Variants in TTC6 observed in about 807,000 individuals in gnomAD.
TTC6 encodes tetratricopeptide repeat domain 6, also known as tetratricopeptide repeat protein 6.
TTC6 carries 172 observed loss-of-function variants against 210.4 expected under a neutral mutation model. The observed-to-expected ratio is 0.82, with a 90% CI of 0.72 to 0.93. The LOEUF is 0.93. TTC6 is among the 40% of genes least tolerant of loss of function. The pLI is 0.00. For synonymous variants in TTC6, 804 were observed against 819.6 expected (o/e 0.98, Z 0.32); for missense variants, 2,414 against 2,318.1 (o/e 1.04, Z -0.85).
At chr14:37,794,233 G>A (rs2096087002) in intron 17 of TTC6, among the ~76,000 whole-genome samples, 1 of 152,164 alleles carries the variant, frequency 6.6e-6, no homozygotes, top group South Asian at 2.1e-4. Flanking sequence ...GAAGCAGCAG[G>A]CATGAAGTTC....
At position 37,735,988 on chromosome 14, in the gene TTC6, A is replaced by C. The variant is rs768901906; in HGVS notation, c.1886A>C (p.Gln629Pro). Residue 629 changes from glutamine to proline, a missense_variant, in exon 8 of 31, where the codon CAA (glutamine) becomes CCA (proline). Coordinates refer to ENST00000553443, the Ensembl canonical transcript of TTC6. The stretch of plus-strand genomic sequence containing the variant: ...AAAAGCAGTGTCATTACTTTACATC[A>C]ACATAGCAGAACAAATTTTTGGGTA... 1.0e-5 allele frequency: 16 copies of C among 1,531,084 alleles called. No homozygotes were observed. In the South Asian group the frequency reaches 1.8e-4, roughly 17 times the overall value. 94.8% of individuals were successfully genotyped at this position (1,531,084 alleles called of 1,614,324 possible). A position where few individuals can be genotyped will look rare whatever the true frequency, so the allele number is the denominator to read the frequency against.
At chr14:37,790,064 C>G (rs2096076037) in intron 15 of TTC6, among the ~76,000 whole-genome samples, 1 of 152,032 alleles carries the variant, frequency 6.6e-6, no homozygotes, top group African/African-American at 2.4e-5. Flanking sequence ...GAGAGTCACA[C>G]ACCTGGATTA....
At chr14:37,692,688 A>G (rs1353428932) in intron 3 of TTC6, among the ~76,000 whole-genome samples, 2 of 151,604 alleles carry the variant, frequency 1.3e-5, no homozygotes, top group African/African-American at 4.8e-5. Flanking sequence ...GAGAAACCCC[A>G]TCTCCACTAA....
chr14:37,689,105 T>C (rs2095799009), intron 3 of TTC6, among the ~76,000 whole-genome samples: 1 of 151,464 alleles, frequency 6.6e-6, no homozygotes, highest in African/African-American at 2.4e-5. Context: ...CTTAGAAATT[T>C]AACAAAGAAA....
chr14:37,686,706 A>C (rs979592538), intron 3 of TTC6, among the ~76,000 whole-genome samples: 3 of 152,086 alleles, frequency 2.0e-5, no homozygotes, highest in African/African-American at 7.2e-5. Context: ...GAGCCAAGAG[A>C]AAGGAGTTTC....
chr14:37,620,557 C>T (rs1372895222), upstream of TTC6, among the ~76,000 whole-genome samples: 4 of 152,154 alleles, frequency 2.6e-5, no homozygotes, highest in African/African-American at 7.2e-5. Flanking sequence ...CCATCGGTTC[C>T]CTATTTATAT....
At chr14:37,792,084 A>C (rs1435728492) in intron 16 of TTC6, among the ~76,000 whole-genome samples, 180 bp from the exon 19 acceptor site, 2 of 152,210 alleles carry the variant, frequency 1.3e-5, no homozygotes, top group Non-Finnish European at 2.9e-5. Flanking sequence ...TAAGGGTTTC[A>C]TAAAGGTGTT....
At position 37,693,008 on chromosome 14, in the gene TTC6, A is replaced by G. The variant is rs116753495; in HGVS notation, c.1258-3709A>G. ...AAGCACCTGAAAGATGCCCACTCTCACCACTGTTATTCAACATCATACTGG... is the reference window on the plus strand; with the variant it reads ...AAGCACCTGAAAGATGCCCACTCTCGCCACTGTTATTCAACATCATACTGG... On this transcript the variant is annotated intron_variant, in intron 3 of 30. Coordinates refer to ENST00000553443, the Ensembl canonical transcript of TTC6. 3.2e-3 allele frequency among the ~76,000 whole-genome samples: 490 copies of G among 152,240 alleles called. 5 individuals are homozygous for G. Among genetic ancestry groups the G allele is most frequent in the African/African-American group, 0.011 (477 of 41,558 alleles).
chr14:37,765,369 T>TA (rs781402022), intron 14 of TTC6, among the ~76,000 whole-genome samples: 17 of 146,808 alleles, frequency 1.2e-4, no homozygotes, highest in East Asian at 4.0e-4. Flanking sequence ...AAATTTAAAT[T>TA]AAAAAAAAAA....
At chr14:37,726,505 T>C (rs371549511) in intron 7 of TTC6, among the ~76,000 whole-genome samples, 1 of 152,298 alleles carries the variant, frequency 6.6e-6, no homozygotes, top group South Asian at 2.1e-4. Flanking sequence ...TTGAATTCTG[T>C]TAGGCCATAT....
intron 1 of TTC6, among the ~76,000 whole-genome samples, chr14:37,645,476 G>C (rs573853230): frequency 6.6e-6 from 1 of 152,166 alleles, no homozygotes; most frequent in Non-Finnish European, 1.5e-5. Flanking sequence ...AAACAAATCA[G>C]TAATGTCTTA....
At chr14:37,624,888 T>C (rs1180043243) in intron 1 of TTC6, among the ~76,000 whole-genome samples, 7 of 152,248 alleles carry the variant, frequency 4.6e-5, no homozygotes, top group Admixed American at 3.3e-4. Flanking sequence ...CCCAAAGTGC[T>C]AGGATTACAG....
intron 14 of TTC6, among the ~76,000 whole-genome samples, chr14:37,772,791 G>A (rs2096024379): frequency 6.6e-6 from 1 of 152,174 alleles, no homozygotes; most frequent in Non-Finnish European, 1.5e-5. Flanking sequence ...GGGAGCTGTA[G>A]ACCGGAGCTG....
At chr14:37,778,551 A>G (rs1343382466) in intron 14 of TTC6, among the ~76,000 whole-genome samples, 1 of 152,142 alleles carries the variant, frequency 6.6e-6, no homozygotes, top group Non-Finnish European at 1.5e-5. Flanking sequence ...AAATCTGCCC[A>G]CATGTGTGTG....
At chr14:37,835,609 A>G (rs1425148209) in intron 29 of TTC6, among the ~76,000 whole-genome samples, 1 of 152,152 alleles carries the variant, frequency 6.6e-6, no homozygotes, top group East Asian at 1.9e-4. Context: ...TATCTTCTCC[A>G]TGGATGTAAG....
chr14:37,725,282 A>G (rs1891239694), intron 7 of TTC6, among the ~76,000 whole-genome samples: 1 of 120,298 alleles, frequency 8.3e-6, no homozygotes, highest in Non-Finnish European at 1.8e-5. Context: ...TATATATAAA[A>G]TTTATATATG....
At position 37,827,272 on chromosome 14, in the gene TTC6, A is replaced by G. The variant is rs577444284; in HGVS notation, c.5204A>G (p.Lys1735Arg). ...ATGGGCCACAAACAGAATGCAATGAAAGACTACCAAGATGCAATTACTCTA... is the reference window on the plus strand; with the variant it reads ...ATGGGCCACAAACAGAATGCAATGAGAGACTACCAAGATGCAATTACTCTA... Residue 1735 changes from lysine (K) to arginine (R), a missense_variant, in exon 29 of 31, where the codon AAA becomes AGA. By Grantham distance (26) the Lys-to-Arg change is conservative. Coordinates refer to ENST00000553443, the Ensembl canonical transcript of TTC6. 20 of 1,613,306 alleles carry G rather than the reference A, an allele frequency of 1.2e-5. No individual in the cohort carries two copies. In the South Asian group the frequency reaches 2.2e-4, roughly 18 times the overall value.
intron 2 of TTC6, among the ~76,000 whole-genome samples, chr14:37,607,771 G>A (rs1041273387): frequency 1.3e-5 from 2 of 151,980 alleles, no homozygotes; most frequent in Non-Finnish European, 2.9e-5. Context: ...AGGACTATAG[G>A]TGCATGCCAC....
intron 20 of TTC6, among the ~76,000 whole-genome samples, chr14:37,798,399 A>C (rs1022303740): frequency 6.6e-6 from 1 of 151,928 alleles, no homozygotes; most frequent in Non-Finnish European, 1.5e-5. Context: ...GTATCTTTAA[A>C]AAAATTTGTT....
Sources: gnomAD v4.1 joint callset for allele counts (sites outside exome capture counted in the v4.1 genomes callset) on GRCh38, gnomAD v4.1.1 for gene constraint, MANE v1.5 for transcripts, NCBI Gene and HGNC (gene_info 2026-07-23, HGNC 2026-07-21) for gene names.